The following LMO2 variants were observed in gnomAD, a reference collection of about 807,000 sequenced individuals.
The protein encoded by LMO2 is rhombotin-2.
A neutral mutation model predicts 23.2 loss-of-function variants in LMO2; 20 were observed. The ratio of observed to expected loss-of-function variants is 0.86; its 90% CI spans 0.61 to 1.25. The LOEUF (loss-of-function observed/expected upper bound fraction) is 1.25. Ranked by LOEUF, LMO2 falls within the 50% of genes most tolerant of loss-of-function variation. The pLI, the probability that LMO2 is intolerant of heterozygous loss-of-function variation, is 0.00. For synonymous variants in LMO2, 123 were observed against 130.2 expected (o/e 0.94, Z 0.38); for missense variants, 270 against 315.3 (o/e 0.86, Z 1.09).
At chr11:33,865,820 T>C (rs1856761239) in intron 4 of LMO2, among the ~76,000 whole-genome samples, 1 of 152,238 alleles carries the variant, frequency 6.6e-6, no homozygotes, top group Non-Finnish European at 1.5e-5. Context: ...TAAATAACTT[T>C]GCTAAAAGAA....
chr11:33,871,763 C>T (rs529067913), intron 2 of LMO2, among the ~76,000 whole-genome samples: 8 of 152,172 alleles, frequency 5.3e-5, no homozygotes, highest in African/African-American at 1.9e-4. Flanking sequence ...CTACTTATAA[C>T]CAGTCAATGT....
chr11:33,876,302 C>T (rs1857137244), intron 2 of LMO2, among the ~76,000 whole-genome samples: 1 of 152,164 alleles, frequency 6.6e-6, no homozygotes. Context: ...TTGGCCTTTC[C>T]TCCCAGCTAG....
intron 1 of LMO2, among the ~76,000 whole-genome samples, chr11:33,887,416 T>G (rs1016927627): frequency 1.3e-5 from 2 of 152,158 alleles, no homozygotes; most frequent in Non-Finnish European, 2.9e-5. Flanking sequence ...AGTGACATAT[T>G]GCACCCACCC....
chr11:33,885,897 CAG>C (rs1189071733), intron 1 of LMO2, among the ~76,000 whole-genome samples: 1 of 151,108 alleles, frequency 6.6e-6, no homozygotes, highest in Non-Finnish European at 1.5e-5. Context: ...TTTTTTGAGC[CAG>C]AGTTTCGCTC....
chr11:33,861,507 C>A (rs561098534), intron 5 of LMO2, among the ~76,000 whole-genome samples: 4 of 152,324 alleles, frequency 2.6e-5, no homozygotes, highest in Non-Finnish European at 5.9e-5. Context: ...TTTCAAAGCA[C>A]CGCCTGGGAG....
intron 4 of LMO2, among the ~76,000 whole-genome samples, chr11:33,867,162 T>A (rs1046193564): frequency 2.6e-5 from 4 of 152,204 alleles, no homozygotes; most frequent in Non-Finnish European, 4.4e-5. Context: ...GGGCCACCAG[T>A]AGCACAGCAA....
intron 5 of LMO2, among the ~76,000 whole-genome samples, chr11:33,861,847 C>A (rs149298196): frequency 1.3e-5 from 2 of 152,298 alleles, no homozygotes; most frequent in African/African-American, 4.8e-5. Flanking sequence ...AGCATGACCT[C>A]TAACTTGCCA....
intron 2 of LMO2, among the ~76,000 whole-genome samples, chr11:33,873,930 T>C (rs1857080211): frequency 6.6e-6 from 1 of 152,220 alleles, no homozygotes; most frequent in Non-Finnish European, 1.5e-5. Context: ...GAAATGAAAA[T>C]GCAAATATAA....
chr11:33,864,721 G>A lies in LMO2; in HGVS notation c.345C>T (p.Ile115=), dbSNP rs533717865. The A allele has an allele frequency of 1.1e-5, 18 of 1,614,064 alleles. No homozygotes were observed. The highest frequency in any genetic ancestry group is 6.7e-5 in the African/African-American group (5 of 75,056). Residue 115 remains isoleucine, a synonymous_variant, in exon 5 of 6, where the codon ATC becomes ATT. Transcript: ENST00000257818. This position sits in a 1 kb window ranked among gnomAD's most constrained non-coding sequence, Gnocchi z 4.8. ...GGCAGTCCTCGTGCCAGTACTGGTCGATGGCCTTCAGGAAGTAGCGGTCCC... is the reference window on the plus strand; with the variant it reads ...GGCAGTCCTCGTGCCAGTACTGGTCAATGGCCTTCAGGAAGTAGCGGTCCC... ...NIGDRYFLKA[I]DQYWHEDCLS...
chr11:33,878,489 T>C (rs1857189843), intron 2 of LMO2, among the ~76,000 whole-genome samples: 1 of 152,210 alleles, frequency 6.6e-6, no homozygotes, highest in Non-Finnish European at 1.5e-5. Flanking sequence ...CTTTGAATGA[T>C]AAAATACAGA....
In LMO2 at chr11:33,870,491, G is replaced by A. The variant is rs945837379; in HGVS notation, c.-271-504C>T. 2.6e-5 allele frequency: 26 copies of A among 985,390 alleles called. No homozygotes were observed. In the Admixed American group the frequency reaches 3.1e-4, roughly 12 times the overall value. 61.0% of individuals were successfully genotyped at this position (985,390 alleles called of 1,614,324 possible). ...GCGGGCCCCAGGCTGCGGGCTCCGG[G>A]CTGCGGGCTCCGGGCTGCGGCCGCG... On this transcript the variant is annotated intron_variant, in intron 2 of 5. Transcript: ENST00000257818.
At chr11:33,870,630 G>A (rs1856993009) in intron 2 of LMO2, 35 of 945,348 alleles carry the variant, frequency 3.7e-5, no homozygotes, top group East Asian at 1.2e-4. Flanking sequence ...ACCACGCGGG[G>A]CCGGGGCTCC....
chr11:33,867,353 A>T (rs1310943172), intron 4 of LMO2, among the ~76,000 whole-genome samples: 1 of 152,236 alleles, frequency 6.6e-6, no homozygotes, highest in Non-Finnish European at 1.5e-5. Context: ...GTAAAGTAAA[A>T]GAGTTACGGT....
intron 1 of LMO2, among the ~76,000 whole-genome samples, chr11:33,889,520 G>A (rs1857492866): frequency 6.6e-6 from 1 of 152,212 alleles, no homozygotes; most frequent in Non-Finnish European, 1.5e-5. Flanking sequence ...CAGTGAGGAG[G>A]AAGCATCCTT....
chr11:33,878,316 T>C (rs1857185505), intron 2 of LMO2, among the ~76,000 whole-genome samples: 1 of 152,192 alleles, frequency 6.6e-6, no homozygotes, highest in Non-Finnish European at 1.5e-5. Context: ...GTTACTCTTT[T>C]CTCTCTATCG....
chr11:33,870,420 G>A (rs1025652915), intron 2 of LMO2: 1 of 985,530 alleles, frequency 1.0e-6, no homozygotes, highest in Non-Finnish European at 1.2e-6. Context: ...GCCGTGCACT[G>A]GGATGCCCCG....
chr11:33,891,504 G>A (rs774587094), intron 1 of LMO2, among the ~76,000 whole-genome samples: 5 of 152,018 alleles, frequency 3.3e-5, no homozygotes, highest in African/African-American at 4.8e-5. Context: ...CAAATTAGAT[G>A]GGTAAATTAG....
At chr11:33,869,220 G>C in intron 4 of LMO2, 126 bp downstream of exon 4, 4 of 598,442 alleles carry the variant, frequency 6.7e-6, no homozygotes, top group Non-Finnish European at 8.9e-6. Context: ...GCTCGGCACA[G>C]GGGGCCAAGG....
intron 5 of LMO2, 57 bp from the exon 6 acceptor site, chr11:33,859,632 AG>A: frequency 6.5e-7 from 1 of 1,536,252 alleles, no homozygotes; most frequent in South Asian, 1.1e-5. Flanking sequence ...CCTGGAAGAC[AG>A]GGCTCGGGGA....
Sources: allele counts gnomAD v4.1 joint callset (sites outside exome capture counted in the v4.1 genomes callset), GRCh38; gene constraint gnomAD v4.1.1; non-coding constraint Gnocchi (gnomAD v3.1); transcripts MANE v1.5; gene names NCBI Gene and HGNC (gene_info 2026-07-23, HGNC 2026-07-21).